The following MYO10 variants were observed in gnomAD, a reference collection of about 807,000 sequenced individuals.
The protein encoded by MYO10 is unconventional myosin-X.
Under a neutral mutation model 257.3 loss-of-function variants are expected in MYO10, and 133 were observed. That is an observed-to-expected ratio of 0.52 (90% confidence interval 0.45 to 0.60). The LOEUF (loss-of-function observed/expected upper bound fraction) is 0.60. MYO10 is among the 20% of genes least tolerant of loss of function. MYO10 has a pLI of 0.00. For missense variants in MYO10, 2,399 were observed against 2,635.7 expected, an observed-to-expected ratio of 0.91 and a Z score of 1.97; for synonymous variants, 1,104 against 1,028.6, an observed-to-expected ratio of 1.07 and a Z score of -1.40.
At chr5:16,733,867 G>A (rs963525221) in intron 19 of MYO10, among the ~76,000 whole-genome samples, 2 of 152,056 alleles carry the variant, frequency 1.3e-5, no homozygotes, top group East Asian at 3.9e-4. Flanking sequence ...GCTCGGCATC[G>A]CAGCATCCAC....
chr5:16,861,713 C>A (rs1744114607), intron 2 of MYO10, among the ~76,000 whole-genome samples: 1 of 152,090 alleles, frequency 6.6e-6, no homozygotes, highest in Non-Finnish European at 1.5e-5. Flanking sequence ...ATCCCTGGGG[C>A]CTGCAGAGAA....
intron 19 of MYO10, among the ~76,000 whole-genome samples, chr5:16,748,498 GC>G (rs966568204): frequency 7.2e-4 from 53 of 74,034 alleles, no homozygotes; most frequent in African/African-American, 2.6e-3. Context: ...GCGCCCCCCC[GC>G]CCCCCATCAG....
Position 16,676,046 on chromosome 5 carries a change from C to A in MYO10, c.4651G>T (p.Asp1551Tyr), listed in dbSNP as rs763641692. The change falls in exon 34 of 41, where the codon GAC becomes TAC. Residue 1551 changes from aspartate (D) to tyrosine (Y), a missense_variant. Asp to Tyr is a radical substitution (Grantham distance 160, BLOSUM62 -3). This residue lies in a region of MYO10 where 1,820 missense variants were observed against 1,939.4 expected (regional missense o/e 0.94). Transcript: ENST00000513610. Reference sequence around the variant, plus strand: ...CTGGACTTACAGTTGAGATTTATGTCCCCATACGGAAGGGGCAGGAGCGGG... The same window carrying A: ...CTGGACTTACAGTTGAGATTTATGTACCCATACGGAAGGGGCAGGAGCGGG... ...HSPLLPLPYG[D>Y]INLNLLKDKG... The A allele has an allele frequency of 6.2e-6, 10 of 1,609,146 alleles. No individual in the cohort carries two copies. Among genetic ancestry groups the A allele is most frequent in the African/African-American group, 4.0e-5 (3 of 74,500 alleles).
intron 21 of MYO10, among the ~76,000 whole-genome samples, chr5:16,705,011 A>G (rs1375200077): frequency 6.6e-6 from 1 of 152,204 alleles, no homozygotes; most frequent in East Asian, 1.9e-4. Context: ...TTAACACATC[A>G]TGGGCTGGGA....
intron 26 of MYO10, among the ~76,000 whole-genome samples, chr5:16,697,132 TC>T (rs1737783447): frequency 6.6e-6 from 1 of 152,028 alleles, no homozygotes; most frequent in Non-Finnish European, 1.5e-5. Flanking sequence ...ACTAAAAGTC[TC>T]CCCTAAACCA....
intron 4 of MYO10, among the ~76,000 whole-genome samples, chr5:16,789,025 G>A (rs1021733001): frequency 1.3e-5 from 2 of 152,164 alleles, no homozygotes; most frequent in African/African-American, 4.8e-5. Context: ...AATCTGATAC[G>A]AGCAGGGCCT....
intron 17 of MYO10, among the ~76,000 whole-genome samples, chr5:16,761,093 C>T (rs897064778): frequency 2.0e-5 from 3 of 152,048 alleles, no homozygotes; most frequent in Admixed American, 6.6e-5. Context: ...CAGGTTAAAG[C>T]GATTCTCCTG....
chr5:16,701,499 C>T lies in MYO10; in HGVS notation c.2896G>A (p.Glu966Lys), dbSNP rs968413436. Residue 966 changes from glutamate (E) to lysine (K), a missense_variant, in exon 25 of 41, where the codon GAA (glutamate) becomes AAA (lysine). By Grantham distance (56) the Glu-to-Lys change is moderately conservative (BLOSUM62 1). Around this residue, in one of 3 missense-constraint regions of MYO10, gnomAD observed 1,820 missense variants for 1,939.4 expected, o/e 0.94. Transcript: ENST00000513610. This position sits in a 1 kb window ranked among gnomAD's most constrained non-coding sequence, Gnocchi z 8.1. ...CTCTCAGCCAGCTCGCTGGAAAATT[C>T]GCTTCCCACCGACAGGGACCGCTCG... ...NIERSLSVGS[E>K]FSSELAESAC... 6 of 1,613,958 alleles carry T rather than the reference C, an allele frequency of 3.7e-6. No homozygotes were observed. The highest frequency in any genetic ancestry group is 1.1e-5 in the South Asian group (1 of 91,078).
intron 1 of MYO10, among the ~76,000 whole-genome samples, chr5:16,905,537 A>ACCAGCCAG (rs1001481507): frequency 6.6e-6 from 1 of 151,938 alleles, no homozygotes; most frequent in Non-Finnish European, 1.5e-5. Context: ...AGGAACAGCC[A>ACCAGCCAG]CCAGCCAGCC....
At chr5:16,901,944 T>C (rs1745390169) in intron 1 of MYO10, among the ~76,000 whole-genome samples, 1 of 152,256 alleles carries the variant, frequency 6.6e-6, no homozygotes, top group Non-Finnish European at 1.5e-5. Flanking sequence ...GCTGTTTGCT[T>C]TTTCAGCCCA....
At chr5:16,811,068 CAAAAAAA>C (rs11420807) in intron 3 of MYO10, among the ~76,000 whole-genome samples, 7 of 108,990 alleles carry the variant, frequency 6.4e-5, no homozygotes, top group Non-Finnish European at 1.4e-4. Context: ...GACTCTGTCT[CAAAAAAA>C]AAAAAAAAAA....
At chr5:16,897,935 C>T (rs1018419560) in intron 1 of MYO10, among the ~76,000 whole-genome samples, 1 of 152,222 alleles carries the variant, frequency 6.6e-6, no homozygotes, top group Non-Finnish European at 1.5e-5. Flanking sequence ...TACTCAAACT[C>T]TGCGGACCCT....
intron 1 of MYO10, among the ~76,000 whole-genome samples, chr5:16,914,433 A>G (rs1223758196): frequency 6.6e-6 from 1 of 152,234 alleles, no homozygotes; most frequent in Non-Finnish European, 1.5e-5. Context: ...AGCGGTCAGC[A>G]GAACAGATCA....
At chr5:16,801,460 C>T (rs1742118770) in intron 3 of MYO10, among the ~76,000 whole-genome samples, 2 of 152,072 alleles carry the variant, frequency 1.3e-5, no homozygotes, top group Admixed American at 6.6e-5. Flanking sequence ...GGCCTGCTTG[C>T]ATCAGCCTCC....
chr5:16,687,861 G>C (rs1737320293), intron 28 of MYO10, among the ~76,000 whole-genome samples: 1 of 152,156 alleles, frequency 6.6e-6, no homozygotes, highest in Non-Finnish European at 1.5e-5. Flanking sequence ...ATACATTCAA[G>C]TTGTAGGAAT....
chr5:16,750,475 C>T (rs1030997404), intron 19 of MYO10, among the ~76,000 whole-genome samples: 1 of 151,984 alleles, frequency 6.6e-6, no homozygotes, highest in East Asian at 1.9e-4. Flanking sequence ...ACCCCAGATG[C>T]GCGTTCTGGG....
intron 21 of MYO10, among the ~76,000 whole-genome samples, chr5:16,707,564 G>A (rs1319591091): frequency 6.6e-6 from 1 of 152,190 alleles, no homozygotes; most frequent in East Asian, 1.9e-4. Flanking sequence ...CCTCCTGCAT[G>A]CTTCATTGCC....
At chr5:16,682,049 A>ATAAG in intron 30 of MYO10, 36 bp from the exon 31 acceptor site, 1 of 1,602,174 alleles carries the variant, frequency 6.2e-7, no homozygotes, top group Non-Finnish European at 8.5e-7. Flanking sequence ...AAAGCCCCTT[A>ATAAG]GCCCTACCGT....
chr5:16,681,585 A>G, intron 31 of MYO10, 82 bp from the exon 32 acceptor site: 1 of 1,357,976 alleles, frequency 7.4e-7, no homozygotes, highest in Non-Finnish European at 1.0e-6. Context: ...TAATGCTAAC[A>G]CATGGGTGGG....
Sources: gnomAD v4.1 joint callset for allele counts (sites outside exome capture counted in the v4.1 genomes callset) on GRCh38, gnomAD v4.1.1 for gene constraint, gnomAD v4.1.1 regional missense constraint, Gnocchi (gnomAD v3.1) non-coding constraint, MANE v1.5 for transcripts, NCBI Gene and HGNC (gene_info 2026-07-23, HGNC 2026-07-21) for gene names.